STK38L: variants seen among roughly 807,000 people sequenced by gnomAD.
STK38L encodes serine/threonine-protein kinase 38-like.
A neutral mutation model predicts 59.7 loss-of-function variants in STK38L; 28 were observed. The ratio of observed to expected loss-of-function variants is 0.47; its 90% CI spans 0.35 to 0.64. The LOEUF (loss-of-function observed/expected upper bound fraction) is 0.64. Ranked by LOEUF, STK38L falls within the 30% of genes least tolerant of loss-of-function variation. The probability of loss-of-function intolerance (pLI) is 0.01; values close to 1 mark genes in which losing one functional copy is unlikely to be tolerated. For synonymous variants in STK38L, 162 were observed against 176.8 expected, an observed-to-expected ratio of 0.92 and a Z score of 0.66; for missense variants, 314 against 555.8, an observed-to-expected ratio of 0.56 and a Z score of 4.37.
At chr12:27,306,714 A>AACACACACAC (rs10553623) in intron 3 of STK38L, among the ~76,000 whole-genome samples, 4,330 of 139,134 alleles carry the variant, frequency 0.031, 101 homozygotes, top group Middle Eastern at 0.04. Context: ...GAATTTTATA[A>AACACACACAC]ACACACACAC....
intron 1 of STK38L, among the ~76,000 whole-genome samples, chr12:27,293,940 C>A (rs1338803002): frequency 6.6e-6 from 1 of 152,252 alleles, no homozygotes; most frequent in South Asian, 2.1e-4. Context: ...TACAGATCTT[C>A]TGGACATTTT....
At chr12:27,252,205 T>A (rs1365576509) in intron 1 of STK38L, among the ~76,000 whole-genome samples, 2 of 152,188 alleles carry the variant, frequency 1.3e-5, no homozygotes, top group Non-Finnish European at 2.9e-5. Flanking sequence ...GGTCTCAATC[T>A]CCTGACCTCG....
At chr12:27,290,787 A>T (rs1412712563) in intron 1 of STK38L, among the ~76,000 whole-genome samples, 1 of 152,184 alleles carries the variant, frequency 6.6e-6, no homozygotes, top group South Asian at 2.1e-4. Context: ...TCCAGCTGTC[A>T]TTGTGGAGCT....
intron 1 of STK38L, among the ~76,000 whole-genome samples, chr12:27,248,197 G>A (rs981808628): frequency 6.6e-6 from 1 of 152,336 alleles, no homozygotes; most frequent in Admixed American, 6.5e-5. Flanking sequence ...ATGATTGAAT[G>A]TTGGTCTCAG....
intron 1 of STK38L, among the ~76,000 whole-genome samples, chr12:27,247,814 ATTTTT>A (rs11448972): frequency 7.9e-6 from 1 of 126,598 alleles, no homozygotes. Flanking sequence ...TTGTTCTGTA[ATTTTT>A]TTTTTTTTTT....
At chr12:27,260,027 A>T (rs1297300612) in intron 1 of STK38L, among the ~76,000 whole-genome samples, 2 of 152,202 alleles carry the variant, frequency 1.3e-5, no homozygotes, top group Non-Finnish European at 2.9e-5. Flanking sequence ...TTGTGACTAG[A>T]AGAAAGAGGA....
rs1944625096 is a variant in STK38L at position 27,317,866 on chromosome 12, T to C, written c.956-30T>C. The stretch of plus-strand genomic sequence containing the variant: ...TAAACTTCACTGCTCACAAAGCTGA[T>C]GAAACATTTTTGATTTATTTGATAC... On this transcript the variant is annotated intron_variant, in intron 10 of 13. Transcript: ENST00000389032. 3 of 1,611,102 alleles carry C rather than the reference T, an allele frequency of 1.9e-6. No individual in the cohort carries two copies. The East Asian group carries it at 6.7e-5, about 36-fold the overall frequency.
Position 27,319,386 on chromosome 12 carries a change from C to G in STK38L, c.1138C>G (p.His380Asp), listed in dbSNP as rs1472997308. 1.9e-6 allele frequency: 3 copies of G among 1,613,182 alleles called. No homozygotes were observed. The Admixed American group carries it at 5.0e-5, about 27-fold the overall frequency. The change falls in exon 12 of 14, where the codon CAT becomes GAT. Residue 380 changes from histidine (H) to aspartate (D), a missense_variant. By Grantham distance (81) the His-to-Asp change is moderately conservative. Coordinates refer to ENST00000389032, the MANE Select transcript of STK38L (RefSeq NM_015000.4). ...TAGTGGAGTAGAAGAAATAAAAGGT[C>G]ATCCCTTTTTTGAAGGTGTCGACTG... is the stretch of plus-strand genomic sequence containing the variant. ...GNSGVEEIKGHPFFEGVDWEH... is the reference protein window; with the variant it reads ...GNSGVEEIKGDPFFEGVDWEH...
intron 1 of STK38L, among the ~76,000 whole-genome samples, chr12:27,277,349 C>CAA (rs1268373416): frequency 2.5e-5 from 2 of 81,594 alleles, no homozygotes; most frequent in Non-Finnish European, 6.7e-5. Context: ...ACCTCCATCT[C>CAA]AAAAAACACA....
At chr12:27,253,656 C>T (rs954251729) in intron 1 of STK38L, among the ~76,000 whole-genome samples, 2 of 152,124 alleles carry the variant, frequency 1.3e-5, no homozygotes, top group South Asian at 2.1e-4. Flanking sequence ...GGGAGAGGGG[C>T]ACCTACTTGG....
chr12:27,274,183 G>T (rs573392990), intron 1 of STK38L, among the ~76,000 whole-genome samples: 1 of 148,824 alleles, frequency 6.7e-6, no homozygotes, highest in Non-Finnish European at 1.5e-5. Flanking sequence ...AACCCAGGAG[G>T]CCAAGAGCGC....
intron 1 of STK38L, among the ~76,000 whole-genome samples, chr12:27,261,916 A>T (rs1257777721): frequency 2.6e-5 from 4 of 152,230 alleles, no homozygotes; most frequent in Non-Finnish European, 5.9e-5. Context: ...ATTATTAACT[A>T]ATACAGTATA....
At position 27,318,036 on chromosome 12, in the gene STK38L, C is replaced by G. The variant is rs201716376; in HGVS notation, c.1079+17C>G. 3 of 1,613,062 alleles carry G rather than the reference C, an allele frequency of 1.9e-6. No individual in the cohort carries two copies. The highest frequency in any genetic ancestry group is 2.5e-6 in the Non-Finnish European group (3 of 1,179,730). On this transcript the variant is annotated intron_variant, in intron 11 of 13. Transcript: ENST00000389032. Reference sequence around the variant, plus strand: ...AATTCTCAGGTTAGTGGTTAAATTCCTAGAGGAGTTCATAGTGTCTTAAAA... The same window carrying G: ...AATTCTCAGGTTAGTGGTTAAATTCGTAGAGGAGTTCATAGTGTCTTAAAA...
chr12:27,302,621 TGCA>T (rs1295421751), intron 3 of STK38L: 1 of 153,166 alleles, frequency 6.5e-6, no homozygotes, highest in Admixed American at 6.5e-5. Context: ...TTCTGCATAC[TGCA>T]GCTAGAGTAA....
chr12:27,250,888 G>A (rs776307426), intron 1 of STK38L, among the ~76,000 whole-genome samples: 5 of 151,508 alleles, frequency 3.3e-5, no homozygotes, highest in Non-Finnish European at 7.4e-5. Context: ...AGTCCCAGCT[G>A]CTCAGGAGGC....
chr12:27,316,574 A>G (rs1197098347), intron 9 of STK38L, among the ~76,000 whole-genome samples: 1 of 152,192 alleles, frequency 6.6e-6, no homozygotes, highest in Non-Finnish European at 1.5e-5. Context: ...TGTAAATGCC[A>G]GTTATGTCAC....
intron 3 of STK38L, 72 bp downstream of exon 3, chr12:27,302,260 T>C (rs1944193734): frequency 8.7e-7 from 1 of 1,152,912 alleles, no homozygotes; most frequent in African/African-American, 1.6e-5. Context: ...CATCAGGTAT[T>C]TTATAACTTA....
chr12:27,251,480 G>GA (rs1427669064), intron 1 of STK38L, among the ~76,000 whole-genome samples: 1 of 152,188 alleles, frequency 6.6e-6, no homozygotes, highest in African/African-American at 2.4e-5. Flanking sequence ...CTCAAAATAA[G>GA]AGACAGAGCC....
rs1334535872 is a variant in STK38L, at chr12:27,325,748, G to A, written c.*3293G>A. On this transcript the variant is annotated 3_prime_UTR_variant, in exon 14 of 14. Transcript: ENST00000389032. ...TATTTTAGATTTTTATGAAAAAAAT[G>A]TGAGGGGATATTGCTGCTTTAAAAA... 6.6e-6 allele frequency: 1 copy of A among 152,180 alleles called. No individual in the cohort carries two copies. The allele number at this position is 152,180 out of a possible 1,614,324, so 9.4% of individuals were successfully genotyped here.
Sources: allele counts gnomAD v4.1 joint callset (sites outside exome capture counted in the v4.1 genomes callset), GRCh38; gene constraint gnomAD v4.1.1; transcripts MANE v1.5; gene names NCBI Gene and HGNC (gene_info 2026-07-23, HGNC 2026-07-21).